The following SYT1 variants were observed in gnomAD, a reference collection of about 807,000 sequenced individuals.
The protein encoded by SYT1 is synaptotagmin 1.
Under a neutral mutation model 44.8 loss-of-function variants are expected in SYT1, and 8 were observed. The observed-to-expected ratio is 0.18, with a 90% CI of 0.10 to 0.32. The LOEUF is 0.32. Ranked by LOEUF, SYT1 falls within the 10% of genes least tolerant of loss-of-function variation. The pLI is 1.00. For missense variants in SYT1, 286 were observed against 509.3 expected (o/e 0.56, Z 4.22); for synonymous variants, 154 against 188.8 (o/e 0.82, Z 1.51).
intron 4 of SYT1, among the ~76,000 whole-genome samples, chr12:79,261,260 A>G (rs1394242424): frequency 2.0e-5 from 3 of 152,260 alleles, no homozygotes; most frequent in African/African-American, 7.2e-5. Context: ...TTAATGATCT[A>G]TGCCACATCT....
At chr12:78,887,577 T>A (rs942464538) in intron 1 of SYT1, among the ~76,000 whole-genome samples, 5 of 151,940 alleles carry the variant, frequency 3.3e-5, no homozygotes, top group Non-Finnish European at 5.9e-5. Context: ...GTACTAGGCA[T>A]AGTTTCAGGA....
intron 6 of SYT1, among the ~76,000 whole-genome samples, chr12:79,293,539 C>G (rs1035057589): frequency 6.6e-6 from 1 of 152,022 alleles, no homozygotes. Context: ...ACTAGTAATG[C>G]AGCATGTGCT....
chr12:78,928,490 T>G lies in SYT1; in HGVS notation c.-216-49309T>G, dbSNP rs142998335. ...CATACTTTTTTTTTCTTTCCTTAAGTGGAGAACTTTCACTTTTTCCCTTAA... is the reference window on the plus strand; with the variant it reads ...CATACTTTTTTTTTCTTTCCTTAAGGGGAGAACTTTCACTTTTTCCCTTAA... On this transcript the variant is annotated intron_variant, in intron 1 of 10. Transcript: ENST00000261205. Among the ~76,000 whole-genome samples, 173 of 152,200 alleles carry G rather than the reference T, an allele frequency of 1.1e-3. 1 individual carries two copies. Among genetic ancestry groups the G allele is most frequent in the African/African-American group, 3.9e-3 (161 of 41,534 alleles).
intron 3 of SYT1, among the ~76,000 whole-genome samples, chr12:79,129,168 A>T (rs1868642628): frequency 6.6e-6 from 1 of 152,150 alleles, no homozygotes; most frequent in Non-Finnish European, 1.5e-5. Context: ...GACTGCAATA[A>T]TTGGTGTGGC....
chr12:79,412,553 C>G (rs1034874928), intron 9 of SYT1, among the ~76,000 whole-genome samples: 1 of 152,052 alleles, frequency 6.6e-6, no homozygotes, highest in Admixed American at 6.6e-5. Context: ...GCCTGACATT[C>G]CTGGGTGGGG....
chr12:79,386,217 CAT>C (rs1454061538), intron 9 of SYT1, among the ~76,000 whole-genome samples: 4 of 152,100 alleles, frequency 2.6e-5, no homozygotes, highest in South Asian at 4.1e-4. Flanking sequence ...TACAAAAACA[CAT>C]ATTTATTTAA....
At chr12:79,131,506 T>C (rs1347820010) in intron 3 of SYT1, among the ~76,000 whole-genome samples, 1 of 152,202 alleles carries the variant, frequency 6.6e-6, no homozygotes. Flanking sequence ...TCCACAATTA[T>C]GTTCTGATCA....
intron 2 of SYT1, among the ~76,000 whole-genome samples, chr12:78,996,077 A>T (rs1425910140): frequency 6.7e-6 from 1 of 150,148 alleles, no homozygotes; most frequent in Non-Finnish European, 1.5e-5. Flanking sequence ...CAGGATTGTT[A>T]CAATAAGGTC....
intron 9 of SYT1, among the ~76,000 whole-genome samples, chr12:79,406,197 A>G (rs1817266848): frequency 6.6e-6 from 1 of 152,130 alleles, no homozygotes; most frequent in African/African-American, 2.4e-5. Flanking sequence ...AAGAAAAAAC[A>G]TTATGGACAG....
intron 2 of SYT1, among the ~76,000 whole-genome samples, chr12:79,032,247 G>A (rs1448640844): frequency 6.6e-6 from 1 of 151,174 alleles, no homozygotes; most frequent in Non-Finnish European, 1.5e-5. Flanking sequence ...GCTAGGTACT[G>A]TGAACTGAAG....
intron 4 of SYT1, among the ~76,000 whole-genome samples, chr12:79,226,356 A>G (rs1370601924): frequency 2.0e-5 from 3 of 152,182 alleles, no homozygotes; most frequent in African/African-American, 7.2e-5. Flanking sequence ...TCAGCTGGAA[A>G]AAAATTATCT....
intron 8 of SYT1, among the ~76,000 whole-genome samples, chr12:79,301,812 T>C (rs1171340827): frequency 6.6e-6 from 1 of 152,164 alleles, no homozygotes; most frequent in Non-Finnish European, 1.5e-5. Context: ...CTCTAGAGAC[T>C]TTCCTCTTTG....
At chr12:79,444,805 T>C (rs536215692) in intron 10 of SYT1, among the ~76,000 whole-genome samples, 14 of 152,292 alleles carry the variant, frequency 9.2e-5, no homozygotes, top group Non-Finnish European at 2.1e-4. Context: ...AATATCCTTG[T>C]AGTTAATATG....
chr12:79,199,737 G>A (rs571986956), intron 3 of SYT1, among the ~76,000 whole-genome samples: 3 of 152,122 alleles, frequency 2.0e-5, no homozygotes, highest in South Asian at 2.1e-4. Flanking sequence ...ATATAAATAC[G>A]TATCATAAGC....
chr12:79,137,407 A>C (rs1592782511), intron 3 of SYT1, among the ~76,000 whole-genome samples: 1 of 152,136 alleles, frequency 6.6e-6, no homozygotes, highest in East Asian at 1.9e-4. Context: ...GAACTTTTTT[A>C]TACTTGGAAC....
chr12:79,358,282 G>A (rs1217633027), intron 9 of SYT1, among the ~76,000 whole-genome samples: 1 of 152,128 alleles, frequency 6.6e-6, no homozygotes, highest in African/African-American at 2.4e-5. Context: ...AAATTGAAGT[G>A]ATTATAGCTT....
At chr12:79,353,431 CA>C in intron 8 of SYT1, 70 bp from the exon 9 acceptor site, 1 of 1,159,662 alleles carries the variant, frequency 8.6e-7, no homozygotes. Flanking sequence ...GAAGAATTTA[CA>C]ATATATATGT....
At chr12:79,223,432 T>A (rs752352495) in intron 4 of SYT1, among the ~76,000 whole-genome samples, 6 of 152,080 alleles carry the variant, frequency 3.9e-5, no homozygotes, top group Non-Finnish European at 8.8e-5. Context: ...CTCTAACAGC[T>A]GGATGCAGCT....
chr12:78,946,733 T>C (rs1420955906), intron 1 of SYT1, among the ~76,000 whole-genome samples: 1 of 151,960 alleles, frequency 6.6e-6, no homozygotes, highest in Non-Finnish European at 1.5e-5. Flanking sequence ...AAAAAGCATG[T>C]ATTTATAAAA....
Sources: gnomAD v4.1 joint callset for allele counts (sites outside exome capture counted in the v4.1 genomes callset) on GRCh38, gnomAD v4.1.1 for gene constraint, MANE v1.5 for transcripts, NCBI Gene and HGNC (gene_info 2026-07-23, HGNC 2026-07-21) for gene names.